Variants in PRKACB observed in about 807,000 individuals in gnomAD.
PRKACB encodes the protein cAMP-dependent protein kinase catalytic subunit beta.
In PRKACB, 16 loss-of-function variants were observed where a neutral mutation model predicts 51.4. That is an observed-to-expected ratio of 0.31 (90% confidence interval 0.21 to 0.47). The LOEUF (loss-of-function observed/expected upper bound fraction) is 0.47, where lower values mean the gene tolerates loss of function less well. PRKACB is among the 20% of genes least tolerant of loss of function. The probability of loss-of-function intolerance (pLI) is 1.00; values close to 1 mark genes in which losing one functional copy is unlikely to be tolerated. For missense variants in PRKACB, 309 were observed against 464.5 expected, an observed-to-expected ratio of 0.67 and a Z score of 3.08; for synonymous variants, 147 against 154.4, an observed-to-expected ratio of 0.95 and a Z score of 0.35.
At chr1:84,086,248 T>A in intron 1 of PRKACB, 3 of 1,547,766 alleles carry the variant, frequency 1.9e-6, no homozygotes, top group Non-Finnish European at 2.7e-6. Context: ...CAAGGACAAG[T>A]CCTGGTTCCC....
intron 7 of PRKACB, 125 bp from the exon 8 acceptor site, chr1:84,202,558 T>G (rs979063304): frequency 4.6e-6 from 4 of 877,326 alleles, no homozygotes; most frequent in Non-Finnish European, 5.1e-6. Context: ...CTGTCCTGAA[T>G]AGCTGCTCAG....
intron 1 of PRKACB, among the ~76,000 whole-genome samples, chr1:84,087,773 A>T (rs552803156): frequency 2.6e-5 from 4 of 152,262 alleles, no homozygotes; most frequent in Admixed American, 2.0e-4. Context: ...CTTCTTGCTA[A>T]TACTAAGGTT....
At chr1:84,198,819 A>T (rs1001982896) in intron 7 of PRKACB, among the ~76,000 whole-genome samples, 1 of 149,884 alleles carries the variant, frequency 6.7e-6, no homozygotes, top group Admixed American at 6.7e-5. Context: ...AAAAACATTC[A>T]TATATGTATG....
chr1:84,175,037 C>T, intron 1 of PRKACB: 1 of 1,469,204 alleles, frequency 6.8e-7, no homozygotes, highest in Non-Finnish European at 9.0e-7. Flanking sequence ...CACAAGCTTG[C>T]TCCTCTTCAG....
At chr1:84,209,024 A>C (rs1671747932) in intron 8 of PRKACB, among the ~76,000 whole-genome samples, 1 of 152,192 alleles carries the variant, frequency 6.6e-6, no homozygotes, top group South Asian at 2.1e-4. Context: ...ACTCAGAATT[A>C]CCCAAAGACA....
chr1:84,113,574 C>T lies in PRKACB; in HGVS notation c.46+35203C>T, dbSNP rs867419884. Reference sequence around the variant, plus strand: ...ACACAATAATTTGTACTTGAATATTCATAGCATCATTATTCTTAGTTGCTA... The same window carrying T: ...ACACAATAATTTGTACTTGAATATTTATAGCATCATTATTCTTAGTTGCTA... On this transcript the variant is annotated intron_variant, in intron 1 of 8. Coordinates refer to the PRKACB transcript ENST00000370688. Among the ~76,000 whole-genome samples the T allele has an allele frequency of 2.0e-5, 3 of 152,238 alleles. No individual in the cohort carries two copies. The Middle Eastern group carries it at 0.01, about 518-fold the overall frequency.
chr1:84,102,333 A>G (rs1444087249), intron 1 of PRKACB, among the ~76,000 whole-genome samples: 4 of 151,994 alleles, frequency 2.6e-5, no homozygotes, highest in Non-Finnish European at 5.9e-5. Flanking sequence ...GTTGTAGTCA[A>G]CCGAGATTGC....
chr1:84,117,458 T>TA (rs1432689731), intron 1 of PRKACB, among the ~76,000 whole-genome samples: 3 of 152,176 alleles, frequency 2.0e-5, no homozygotes, highest in Non-Finnish European at 2.9e-5. Flanking sequence ...AGATACTTTT[T>TA]ATTACTGATT....
At chr1:84,133,631 A>C (rs150691974) in intron 1 of PRKACB, among the ~76,000 whole-genome samples, 120 of 151,940 alleles carry the variant, frequency 7.9e-4, no homozygotes, top group Non-Finnish European at 1.6e-3. Context: ...ACTTGGCTTT[A>C]CTCGGCTTCA....
At chr1:84,204,017 A>AT (rs539206062) in intron 8 of PRKACB, among the ~76,000 whole-genome samples, 266 of 151,720 alleles carry the variant, frequency 1.8e-3, no homozygotes, top group Non-Finnish European at 2.6e-3. Context: ...GTGGTAATTT[A>AT]TTTTTTTTGC....
chr1:84,141,530 G>C (rs1465938738), upstream of PRKACB, among the ~76,000 whole-genome samples: 1 of 151,920 alleles, frequency 6.6e-6, no homozygotes, highest in East Asian at 1.9e-4. Flanking sequence ...ATAACAAATT[G>C]AAACAATTTT....
At chr1:84,085,805 A>G (rs868379850) in intron 1 of PRKACB, 1 of 409,900 alleles carries the variant, frequency 2.4e-6, no homozygotes, top group Middle Eastern at 6.2e-4. Context: ...CCCTCTCAGG[A>G]TCGGTGGCCA....
At chr1:84,128,007 C>CTTT (rs10537848) in intron 1 of PRKACB, among the ~76,000 whole-genome samples, 4 of 105,396 alleles carry the variant, frequency 3.8e-5, no homozygotes, top group African/African-American at 1.1e-4. Context: ...CTTTTTTTTT[C>CTTT]TTTTTTTTTT....
At chr1:84,142,943 G>C (rs542979435), upstream of PRKACB, among the ~76,000 whole-genome samples, 3 of 152,180 alleles carry the variant, frequency 2.0e-5, no homozygotes, top group African/African-American at 7.2e-5. Context: ...TCTGAAGTAA[G>C]ATTTTTTTAG....
At chr1:84,082,410 T>C in intron 1 of PRKACB, among the ~76,000 whole-genome samples, 1 of 152,200 alleles carries the variant, frequency 6.6e-6, no homozygotes, top group East Asian at 1.9e-4. Flanking sequence ...TTATCATCAT[T>C]ATCTTTTCAG....
intron 1 of PRKACB, among the ~76,000 whole-genome samples, chr1:84,110,216 C>T (rs1374161773): frequency 6.6e-6 from 1 of 151,672 alleles, no homozygotes; most frequent in African/African-American, 2.4e-5. Context: ...AACAATACAA[C>T]AATATGAAAT....
chr1:84,103,535 A>C (rs1434224015), intron 1 of PRKACB, among the ~76,000 whole-genome samples: 1 of 152,150 alleles, frequency 6.6e-6, no homozygotes, highest in Non-Finnish European at 1.5e-5. Flanking sequence ...GACAGATGAG[A>C]GAGTGACTCA....
chr1:84,207,072 A>G (rs2101515366), intron 8 of PRKACB, among the ~76,000 whole-genome samples: 1 of 152,352 alleles, frequency 6.6e-6, no homozygotes, highest in South Asian at 2.1e-4. Context: ...ATTTTCATAA[A>G]ACACAAAAGC....
Position 84,157,182 on chromosome 1 carries a change from T to G in PRKACB, c.187+12634T>G, listed in dbSNP as rs539727932. ...ATGCAGATCTATTTACCTTCTTTAC[T>G]TTAATTATCTCTGTTTACCACAGAG... On this transcript the variant is annotated intron_variant, in intron 1 of 9. Transcript: ENST00000370685. 7.9e-5 allele frequency among the ~76,000 whole-genome samples: 12 copies of G among 152,320 alleles called. No individual in the cohort carries two copies. The South Asian group carries it at 2.3e-3, about 29-fold the overall frequency.
Sources: allele counts gnomAD v4.1 joint callset (sites outside exome capture counted in the v4.1 genomes callset), GRCh38; gene constraint gnomAD v4.1.1; transcripts MANE v1.5; gene names NCBI Gene and HGNC (gene_info 2026-07-23, HGNC 2026-07-21).